The following NOSTRIN variants were observed in gnomAD, a reference collection of about 807,000 sequenced individuals.
NOSTRIN encodes BM247 homolog.
In NOSTRIN, 63 loss-of-function variants were observed where a neutral mutation model predicts 59.0. The observed-to-expected ratio is 1.07, with a 90% CI of 0.87 to 1.32. The LOEUF is 1.32. Among genes scored for constraint, NOSTRIN ranks in the 40% most tolerant of loss-of-function variants. The probability of loss-of-function intolerance (pLI) is 0.00; values close to 1 mark genes in which losing one functional copy is unlikely to be tolerated. For synonymous variants in NOSTRIN, 200 were observed against 165.4 expected, an observed-to-expected ratio of 1.21 and a Z score of -1.61; for missense variants, 512 against 473.1, an observed-to-expected ratio of 1.08 and a Z score of -0.76.
At chr2:168,848,720 A>T (rs948699818) in intron 8 of NOSTRIN, among the ~76,000 whole-genome samples, 1 of 152,186 alleles carries the variant, frequency 6.6e-6, no homozygotes, top group Non-Finnish European at 1.5e-5. Context: ...CTCTTGTAAG[A>T]GGTATCAAGA....
chr2:168,845,100 T>C (rs1688333780), intron 8 of NOSTRIN, among the ~76,000 whole-genome samples: 1 of 152,056 alleles, frequency 6.6e-6, no homozygotes, highest in Admixed American at 6.5e-5. Flanking sequence ...AAAAAATTCC[T>C]TAATTTACAC....
In NOSTRIN at chr2:168,862,316, A is replaced by G. The variant is rs1283593586; in HGVS notation, c.1384+267A>G. The stretch of plus-strand genomic sequence containing the variant: ...CTTGGAGGGTTTTATTGGTATTCCC[A>G]TTTCATAGCAGAGGAGACTGATACA... On this transcript the variant is annotated intron_variant, in intron 15 of 15. Coordinates refer to ENST00000317647, the MANE Select transcript of NOSTRIN (RefSeq NM_001039724.4). Among the ~76,000 whole-genome samples the G allele has an allele frequency of 2.6e-5, 4 of 152,180 alleles. No individual in the cohort carries two copies. The East Asian group carries it at 5.8e-4, about 22-fold the overall frequency.
intron 6 of NOSTRIN, among the ~76,000 whole-genome samples, chr2:168,833,655 G>T (rs1388697650): frequency 2.6e-5 from 4 of 152,172 alleles, no homozygotes; most frequent in Non-Finnish European, 5.9e-5. Flanking sequence ...GGAGACTCTT[G>T]AGTGCTCCTT....
At chr2:168,839,884 C>CAAAAAAAAAAA (rs58341006) in intron 7 of NOSTRIN, among the ~76,000 whole-genome samples, 10 of 31,142 alleles carry the variant, frequency 3.2e-4, no homozygotes, top group African/African-American at 2.6e-3. Flanking sequence ...GACTCCGTCT[C>CAAAAAAAAAAA]AAAAAAAAAA....
intron 8 of NOSTRIN, chr2:168,850,707 G>A: frequency 1.6e-6 from 1 of 637,548 alleles, no homozygotes; most frequent in Non-Finnish European, 2.7e-6. Context: ...GAGGTCAGGA[G>A]TTCAAGGCCA....
chr2:168,836,388 C>T (rs765099219), intron 7 of NOSTRIN, among the ~76,000 whole-genome samples: 1 of 152,246 alleles, frequency 6.6e-6, no homozygotes, highest in Admixed American at 6.5e-5. Context: ...GCTCTCTCCT[C>T]TCCTCCAGCT....
chr2:168,862,938 C>G (rs1387951433), intron 15 of NOSTRIN, among the ~76,000 whole-genome samples: 1 of 152,170 alleles, frequency 6.6e-6, no homozygotes, highest in East Asian at 1.9e-4. Flanking sequence ...GACAGGGACA[C>G]CACACATTTG....
chr2:168,803,804 T>C (rs1227835122), intron 1 of NOSTRIN, among the ~76,000 whole-genome samples: 1 of 152,252 alleles, frequency 6.6e-6, no homozygotes, highest in Admixed American at 6.5e-5. Context: ...CTTTAATTAC[T>C]TCAATCTCAG....
chr2:168,800,805 C>G (rs372553827), upstream of NOSTRIN, among the ~76,000 whole-genome samples: 18 of 151,504 alleles, frequency 1.2e-4, no homozygotes, highest in Admixed American at 1.1e-3. Context: ...ATGGTGGCTC[C>G]GGACAAGTTT....
At chr2:168,847,775 A>C (rs1688518901) in intron 8 of NOSTRIN, among the ~76,000 whole-genome samples, 1 of 152,214 alleles carries the variant, frequency 6.6e-6, no homozygotes, top group African/African-American at 2.4e-5. Context: ...CACCTATTTT[A>C]TATAAAAAGA....
At chr2:168,791,994 C>G (rs1685367664) in intron 2 of NOSTRIN, among the ~76,000 whole-genome samples, 1 of 152,038 alleles carries the variant, frequency 6.6e-6, no homozygotes. Flanking sequence ...TTAATTAGAT[C>G]CCATTTGTCA....
intron 2 of NOSTRIN, among the ~76,000 whole-genome samples, chr2:168,818,924 A>T (rs1400279888): frequency 6.6e-6 from 1 of 152,178 alleles, no homozygotes; most frequent in Non-Finnish European, 1.5e-5. Flanking sequence ...AAACCACTGG[A>T]ATATTCTGAG....
intron 15 of NOSTRIN, 104 bp downstream of exon 15, chr2:168,862,153 C>A: frequency 1.1e-6 from 1 of 926,468 alleles, no homozygotes; most frequent in Non-Finnish European, 1.7e-6. Flanking sequence ...ACTACCATGT[C>A]AAATCAGTTC....
intron 7 of NOSTRIN, among the ~76,000 whole-genome samples, chr2:168,840,909 T>G (rs1244486750): frequency 1.3e-5 from 2 of 152,272 alleles, no homozygotes; most frequent in East Asian, 3.9e-4. Context: ...TGTAGAATTC[T>G]GGAATTTGTA....
intron 10 of NOSTRIN, among the ~76,000 whole-genome samples, chr2:168,853,657 A>T (rs565786329): frequency 6.6e-6 from 1 of 152,288 alleles, no homozygotes; most frequent in Non-Finnish European, 1.5e-5. Flanking sequence ...ACAGGGAAGG[A>T]CTAATGGTTT....
At chr2:168,792,782 T>C (rs1282414069) in intron 2 of NOSTRIN, among the ~76,000 whole-genome samples, 1 of 152,178 alleles carries the variant, frequency 6.6e-6, no homozygotes, top group African/African-American at 2.4e-5. Flanking sequence ...CATAAAATTA[T>C]CTTTAATATC....
chr2:168,856,342 C>T (rs570580190), intron 11 of NOSTRIN: 134 of 277,976 alleles, frequency 4.8e-4, no homozygotes, highest in African/African-American at 2.7e-3. Context: ...TTTGGGAAGC[C>T]AAGGCGGGTG....
At chr2:168,806,994 G>A (rs1359269878) in intron 1 of NOSTRIN, among the ~76,000 whole-genome samples, 5 of 152,092 alleles carry the variant, frequency 3.3e-5, no homozygotes, top group African/African-American at 1.2e-4. Context: ...TGTTTCTGAT[G>A]GATTCTCTAA....
intron 13 of NOSTRIN, 125 bp from the exon 14 acceptor site, chr2:168,860,668 CTA>C: frequency 1.9e-6 from 1 of 528,402 alleles, no homozygotes; most frequent in Non-Finnish European, 3.2e-6. Context: ...AAGACTCTGT[CTA>C]AAAAAAAAAA....
Sources: allele counts gnomAD v4.1 joint callset (sites outside exome capture counted in the v4.1 genomes callset), GRCh38; gene constraint gnomAD v4.1.1; transcripts MANE v1.5; gene names NCBI Gene and HGNC (gene_info 2026-07-23, HGNC 2026-07-21).